Variants in NBN observed in about 807,000 individuals in gnomAD.
NBN encodes the protein Nijmegen breakage syndrome 1 (nibrin).
A neutral mutation model predicts 90.8 loss-of-function variants in NBN; 88 were observed. That is an observed-to-expected ratio of 0.97 (90% CI 0.82 to 1.16). The LOEUF (loss-of-function observed/expected upper bound fraction) is 1.16. NBN is among the 50% of genes most tolerant of loss of function. NBN has a pLI of 0.00. For missense variants in NBN, 894 were observed against 869.6 expected (o/e 1.03, Z -0.35); for synonymous variants, 328 against 295.1 (o/e 1.11, Z -1.14).
chr8:89,970,378 C>T lies in NBN; in HGVS notation c.882G>A (p.Met294Ile). 6.2e-7 allele frequency: 1 copy of T among 1,610,232 alleles called. No homozygotes were observed. Among genetic ancestry groups the T allele is most frequent in the Non-Finnish European group, 8.5e-7 (1 of 1,176,666 alleles). The change falls in exon 7 of 16, where the codon ATG becomes ATA. Residue 294 changes from methionine (M) to isoleucine (I), a missense_variant. Coordinates refer to ENST00000265433, the MANE Select transcript of NBN (RefSeq NM_002485.5). ...DCQKKWIQSI[M>I]DMLQRQGLRP... ...TAATTCTATACCTTTGGAGCATATC[C>T]ATTATTGACTGAATCCATTTCTTCT...
At chr8:89,962,388 A>C (rs892698273) in intron 8 of NBN, among the ~76,000 whole-genome samples, 1 of 152,200 alleles carries the variant, frequency 6.6e-6, no homozygotes, top group Non-Finnish European at 1.5e-5. Flanking sequence ...TAAAGTCTAA[A>C]ATTACTGATA....
intron 9 of NBN, among the ~76,000 whole-genome samples, chr8:89,956,655 C>A (rs1357812507): frequency 1.3e-5 from 2 of 152,178 alleles, no homozygotes; most frequent in African/African-American, 2.4e-5. Flanking sequence ...TTGAACAATT[C>A]TTTCCAGTCA....
At chr8:89,940,010 T>C (rs1809865471) in intron 14 of NBN, among the ~76,000 whole-genome samples, 1 of 152,220 alleles carries the variant, frequency 6.6e-6, no homozygotes, top group Admixed American at 6.5e-5. Context: ...ATATGCCATG[T>C]GCCACTGACT....
At chr8:89,969,059 C>T (rs562764121) in intron 7 of NBN, among the ~76,000 whole-genome samples, 1 of 152,320 alleles carries the variant, frequency 6.6e-6, no homozygotes, top group Admixed American at 6.5e-5. Context: ...GTCAGAAGGA[C>T]TCCTGGGACA....
In NBN at chr8:89,970,372, C is replaced by T; in HGVS notation, c.888G>A (p.Met296Ile). The T allele has an allele frequency of 6.2e-7, 1 of 1,607,460 alleles. No individual in the cohort carries two copies. Among genetic ancestry groups the T allele is most frequent in the Non-Finnish European group, 8.5e-7 (1 of 1,174,208 alleles). ...QKKWIQSIMD[M>I]LQRQGLRPIP... Reference sequence around the variant, plus strand: ...AAAGAATAATTCTATACCTTTGGAGCATATCCATTATTGACTGAATCCATT... The same window carrying T: ...AAAGAATAATTCTATACCTTTGGAGTATATCCATTATTGACTGAATCCATT... Residue 296 changes from methionine (M) to isoleucine (I), a missense_variant, in exon 7 of 16, where the codon ATG becomes ATA. Coordinates refer to ENST00000265433, the MANE Select transcript of NBN (RefSeq NM_002485.5).
At chr8:89,964,338 G>T in intron 8 of NBN, 72 bp downstream of exon 8, 1 of 1,517,992 alleles carries the variant, frequency 6.6e-7, no homozygotes. Context: ...AAGTATATGA[G>T]TAACGTATAT....
At chr8:89,956,336 ATATCT>A (rs1163710421) in intron 9 of NBN, among the ~76,000 whole-genome samples, 2 of 152,128 alleles carry the variant, frequency 1.3e-5, no homozygotes, top group African/African-American at 2.4e-5. Context: ...TAATACAGTG[ATATCT>A]TAAGTATCTT....
At chr8:89,954,361 C>T (rs1810598167) in intron 10 of NBN, among the ~76,000 whole-genome samples, 1 of 151,998 alleles carries the variant, frequency 6.6e-6, no homozygotes, top group Admixed American at 6.6e-5. Context: ...TGCCAAGGTA[C>T]TGGACAAACC....
intron 4 of NBN, among the ~76,000 whole-genome samples, chr8:89,979,739 G>A (rs1326162786): frequency 6.6e-6 from 1 of 151,948 alleles, no homozygotes; most frequent in South Asian, 2.1e-4. Context: ...TGTAAACCAC[G>A]TTGGTGTGTG....
chr8:89,968,050 G>A (rs1340881000), intron 7 of NBN, among the ~76,000 whole-genome samples: 1 of 152,170 alleles, frequency 6.6e-6, no homozygotes, highest in Admixed American at 6.5e-5. Flanking sequence ...TTCAGCTCAG[G>A]AGTTCAAGAC....
rs543596543 is a variant in NBN, at chr8:89,962,992, CT to C, written c.994+1417del. 4.0e-3 allele frequency among the ~76,000 whole-genome samples: 611 copies of C among 152,256 alleles called. 6 individuals are homozygous for C. The highest frequency in any genetic ancestry group is 0.014 in the African/African-American group (566 of 41,516). Reference sequence around the variant, plus strand: ...ATGTGACCTCCAGCTAATTTCCTCTCTGTCCGTCAGTTCCCTCATCTACGAA... The same window carrying C: ...ATGTGACCTCCAGCTAATTTCCTCTCGTCCGTCAGTTCCCTCATCTACGAA... On this transcript the variant is annotated intron_variant, in intron 8 of 15. Transcript: ENST00000265433.
chr8:89,946,069 T>C, intron 13 of NBN, 71 bp downstream of exon 13: 1 of 1,197,804 alleles, frequency 8.3e-7, no homozygotes, highest in Non-Finnish European at 1.2e-6. Context: ...CTTTTATCTT[T>C]GTTTAGCATC....
rs753212974 is a variant in NBN, at chr8:89,955,468, C to A, written c.1212G>T (p.Lys404Asn). The A allele has an allele frequency of 6.2e-7, 1 of 1,613,666 alleles. No individual in the cohort carries two copies. The highest frequency in any genetic ancestry group is 1.7e-5 in the Admixed American group (1 of 59,980). Residue 404 changes from lysine (K) to asparagine (N), a missense_variant, in exon 10 of 16, where the codon AAG (lysine) becomes AAT (asparagine). Coordinates refer to ENST00000265433, the MANE Select transcript of NBN (RefSeq NM_002485.5). ...RMLSQDAPTV[K>N]ESCKTSSNNN... ...TATTAGAGCTTGTTTTGCAGGACTC[C>A]TTTACAGTGGGTGCATCTTGTGAAA...
intron 5 of NBN, 123 bp downstream of exon 5, chr8:89,978,097 T>C (rs767870733): frequency 1.2e-4 from 103 of 861,914 alleles, no homozygotes; most frequent in Non-Finnish European, 1.1e-4. Context: ...CCATTAATAA[T>C]ACCGAACTAT....
rs1563578527 is a variant in NBN, at chr8:89,980,740, G to A, written c.474C>T (p.Thr158=). ...AACAAGACATTCAACCTACTTTAAT[G>A]GTAACTTTCACTGATACCATGACAA... The part of the protein sequence containing the change: ...THLVMVSVKV[T]IKTICALICG... The change falls in exon 4 of 16, where the codon ACC becomes ACT. Residue 158 remains threonine (T), a synonymous_variant. Coordinates refer to ENST00000265433, the MANE Select transcript of NBN (RefSeq NM_002485.5). 2 of 1,610,658 alleles carry A rather than the reference G, an allele frequency of 1.2e-6. No individual in the cohort carries two copies. The highest frequency in any genetic ancestry group is 1.7e-5 in the Admixed American group (1 of 59,980).
intron 11 of NBN, among the ~76,000 whole-genome samples, chr8:89,951,180 C>T (rs575503392): frequency 9.0e-4 from 137 of 151,922 alleles, no homozygotes; most frequent in Non-Finnish European, 1.5e-3. Context: ...GGCGTGGTGG[C>T]GGGCGCCTGT....
chr8:89,970,361 T>A lies in NBN; in HGVS notation c.896+3A>T, dbSNP rs1158019133. 2 of 1,600,118 alleles carry A rather than the reference T, an allele frequency of 1.2e-6. No homozygotes were observed. The highest frequency in any genetic ancestry group is 2.2e-5 in the South Asian group (2 of 90,726). ...TTTTTACTAATAAAGAATAATTCTATACCTTTGGAGCATATCCATTATTGA... is the reference window on the plus strand; with the variant it reads ...TTTTTACTAATAAAGAATAATTCTAAACCTTTGGAGCATATCCATTATTGA... On this transcript the variant is annotated splice_donor_region_variant and intron_variant, in intron 7 of 15. Coordinates refer to ENST00000265433, the MANE Select transcript of NBN (RefSeq NM_002485.5).
intron 5 of NBN, 141 bp from the exon 6 acceptor site, chr8:89,971,431 T>A: frequency 1.0e-6 from 1 of 1,002,354 alleles, no homozygotes; most frequent in Non-Finnish European, 1.4e-6. Flanking sequence ...GAATTTTATC[T>A]GGGACAAAAT....
At chr8:89,974,215 A>G (rs1454921218) in intron 5 of NBN, among the ~76,000 whole-genome samples, 1 of 143,950 alleles carries the variant, frequency 6.9e-6, no homozygotes, top group East Asian at 2.0e-4. Flanking sequence ...TCCTGCAGGC[A>G]TATGTTCATA....
Sources: allele counts gnomAD v4.1 joint callset (sites outside exome capture counted in the v4.1 genomes callset), GRCh38; gene constraint gnomAD v4.1.1; transcripts MANE v1.5; gene names NCBI Gene and HGNC (gene_info 2026-07-23, HGNC 2026-07-21).